KCNMA1: variants seen among roughly 807,000 people sequenced by gnomAD.
The protein encoded by KCNMA1 is potassium calcium-activated channel subfamily M alpha 1, also known as Calcium-activated potassium channel subunit alpha-1.
KCNMA1 carries 29 observed loss-of-function variants against 140.0 expected under a neutral mutation model. That is an observed-to-expected ratio of 0.21 (90% CI 0.15 to 0.28). KCNMA1 has a LOEUF of 0.28. Among genes scored for constraint, KCNMA1 ranks in the 10% least tolerant of loss-of-function variants. The probability of loss-of-function intolerance (pLI) is 1.00; values close to 1 mark genes in which losing one functional copy is unlikely to be tolerated. For missense variants in KCNMA1, 880 were observed against 1,602.2 expected (o/e 0.55, Z 7.70); for synonymous variants, 612 against 611.9 (o/e 1.00, Z 0.00).
At chr10:77,296,635 A>G (rs528147406) in intron 2 of KCNMA1, among the ~76,000 whole-genome samples, 11 of 152,236 alleles carry the variant, frequency 7.2e-5, no homozygotes, top group Middle Eastern at 3.4e-3. Context: ...ATCAGTTCCA[A>G]TGAAAGCTGA....
intron 5 of KCNMA1, among the ~76,000 whole-genome samples, chr10:77,154,814 A>G (rs1467639512): frequency 6.6e-6 from 1 of 152,258 alleles, no homozygotes; most frequent in Non-Finnish European, 1.5e-5. Context: ...TCAAGAAACA[A>G]CTAAACAATG....
chr10:77,425,448 G>A (rs1050608903), intron 1 of KCNMA1, among the ~76,000 whole-genome samples: 4 of 152,112 alleles, frequency 2.6e-5, no homozygotes, highest in Non-Finnish European at 5.9e-5. Context: ...TGTCCACAGT[G>A]CTTGGGTGAG....
At chr10:77,617,701 T>C (rs1046995803) in intron 1 of KCNMA1, among the ~76,000 whole-genome samples, 1 of 152,192 alleles carries the variant, frequency 6.6e-6, no homozygotes, top group African/African-American at 2.4e-5. Context: ...TGTACATCTG[T>C]AAAATGGGAA....
In KCNMA1 at chr10:77,637,594, CGCCGCCGCCGCCGCTGCT is replaced by C. The variant is rs759136661; in HGVS notation, c.31_48del (p.Ser11_Gly16del). 31 of 1,526,334 alleles carry C rather than the reference CGCCGCCGCCGCCGCTGCT, an allele frequency of 2.0e-5. No individual in the cohort carries two copies. The highest frequency in any genetic ancestry group is 1.8e-4 in the Middle Eastern group (1 of 5,414). The allele number at this position is 1,526,334 out of a possible 1,614,324, so 94.5% of individuals were successfully genotyped here. On this transcript the variant is annotated inframe_deletion, in exon 1 of 28. Transcript: ENST00000286628. ...ATTCTAAGACTGCTGCCTCCGCCGC[CGCCGCCGCCGCCGCTGCT>C]GCCGCCGCCGCCGCCGCCACCATTT...
At chr10:77,624,767 C>T (rs867280154) in intron 1 of KCNMA1, among the ~76,000 whole-genome samples, 3 of 151,912 alleles carry the variant, frequency 2.0e-5, no homozygotes, top group South Asian at 2.1e-4. Context: ...ATCAAAAATC[C>T]GGCGCTCCCT....
chr10:77,637,076 C>A, intron 1 of KCNMA1, 189 bp downstream of exon 1: 2 of 1,351,344 alleles, frequency 1.5e-6, no homozygotes, highest in East Asian at 2.7e-5. Flanking sequence ...CAACTCCTCA[C>A]CCCCGGCGCG....
intron 1 of KCNMA1, among the ~76,000 whole-genome samples, chr10:77,603,432 T>G (rs961184367): frequency 6.6e-6 from 1 of 152,178 alleles, no homozygotes; most frequent in African/African-American, 2.4e-5. Flanking sequence ...ACTTCAAGGA[T>G]GCAGTCTGGA....
intron 19 of KCNMA1, among the ~76,000 whole-genome samples, chr10:76,998,452 A>C (rs1438017627): frequency 6.6e-6 from 1 of 152,184 alleles, no homozygotes; most frequent in Non-Finnish European, 1.5e-5. Context: ...TAATAGTATA[A>C]TGACCTTTAA....
At chr10:77,634,809 A>G (rs958925609) in intron 1 of KCNMA1, 6 of 184,998 alleles carry the variant, frequency 3.2e-5, no homozygotes, top group Admixed American at 6.6e-5. Flanking sequence ...ACACACACAC[A>G]CACACAATTG....
chr10:77,256,817 A>G (rs745967073), intron 2 of KCNMA1, among the ~76,000 whole-genome samples: 3 of 152,186 alleles, frequency 2.0e-5, no homozygotes, highest in Non-Finnish European at 4.4e-5. Flanking sequence ...ATTGAAGTAT[A>G]TAATTTACAT....
At chr10:77,039,687 T>C in intron 14 of KCNMA1, 50 bp from the exon 15 acceptor site, 3 of 1,162,674 alleles carry the variant, frequency 2.6e-6, no homozygotes, top group Non-Finnish European at 3.9e-6. Flanking sequence ...CGGTGGGCTG[T>C]AAAAGGGAAA....
intron 19 of KCNMA1, among the ~76,000 whole-genome samples, chr10:76,994,937 G>A (rs1022305526): frequency 6.6e-5 from 10 of 152,206 alleles, no homozygotes; most frequent in South Asian, 2.1e-4. Flanking sequence ...CCCACTGTCC[G>A]TTTCTGTCTG....
chr10:76,932,064 C>T (rs1023161135), intron 23 of KCNMA1, among the ~76,000 whole-genome samples: 1 of 152,202 alleles, frequency 6.6e-6, no homozygotes, highest in African/African-American at 2.4e-5. Flanking sequence ...AGTGCTTTAA[C>T]AGCCATTCAT....
Position 76,886,803 on chromosome 10 carries a change from G to GCTAA in KCNMA1, c.*459_*462dup, listed in dbSNP as rs1317781761. On this transcript the variant is annotated 3_prime_UTR_variant, in exon 28 of 28. Coordinates refer to ENST00000286628, the MANE Select transcript of KCNMA1 (RefSeq NM_001161352.2). ...GGTTGCTTGTTTCAAATAAACATGT[G>GCTAA]CTAACTTATTGTGTGTATAAAAAAA... 181 of 1,046,008 alleles carry GCTAA rather than the reference G, an allele frequency of 1.7e-4. No individual in the cohort carries two copies. The highest frequency in any genetic ancestry group is 1.5e-3 in the South Asian group (45 of 30,054). The allele number at this position is 1,046,008 out of a possible 1,614,324, so 64.8% of individuals were successfully genotyped here. A position where few individuals can be genotyped will look rare whatever the true frequency, so the allele number is the denominator to read the frequency against.
intron 1 of KCNMA1, among the ~76,000 whole-genome samples, chr10:77,608,468 C>T (rs7098061): frequency 0.29 from 43,833 of 151,992 alleles, 6,511 homozygotes; most frequent in Middle Eastern, 0.39. Flanking sequence ...GTCACCATGC[C>T]GGGCCTGTAG....
At chr10:77,456,417 C>G (rs1339250888) in intron 1 of KCNMA1, among the ~76,000 whole-genome samples, 1 of 152,198 alleles carries the variant, frequency 6.6e-6, no homozygotes, top group East Asian at 1.9e-4. Context: ...GCCCCCTACT[C>G]TATTATCTCC....
chr10:77,327,200 T>C (rs10509386), intron 2 of KCNMA1, among the ~76,000 whole-genome samples: 39,481 of 151,296 alleles, frequency 0.26, 6,489 homozygotes, highest in Non-Finnish European at 0.38. Context: ...GCATACCCAT[T>C]TTTGCTTCTG....
intron 1 of KCNMA1, among the ~76,000 whole-genome samples, chr10:77,518,372 A>G (rs549455336): frequency 1.2e-3 from 189 of 152,352 alleles, no homozygotes; most frequent in African/African-American, 4.4e-3. Context: ...AACACATGGC[A>G]GGCCCTGGGA....
At chr10:76,942,695 C>T (rs548617930) in intron 23 of KCNMA1, among the ~76,000 whole-genome samples, 71 of 152,270 alleles carry the variant, frequency 4.7e-4, no homozygotes, top group African/African-American at 1.7e-3. Context: ...CTAAATTATA[C>T]ACTGACATTC....
Sources: gnomAD v4.1 joint callset for allele counts (sites outside exome capture counted in the v4.1 genomes callset) on GRCh38, gnomAD v4.1.1 for gene constraint, MANE v1.5 for transcripts, NCBI Gene and HGNC (gene_info 2026-07-23, HGNC 2026-07-21) for gene names.